The following PDS5B variants were observed in gnomAD, a reference collection of about 807,000 sequenced individuals.
PDS5B encodes sister chromatid cohesion protein PDS5 homolog B.
Under a neutral mutation model 184.1 loss-of-function variants are expected in PDS5B, and 51 were observed. The ratio of observed to expected loss-of-function variants is 0.28; its 90% confidence interval spans 0.22 to 0.35. The LOEUF is 0.35. Among genes scored for constraint, PDS5B ranks in the 10% least tolerant of loss-of-function variants. The pLI, the probability that PDS5B is intolerant of heterozygous loss-of-function variation, is 1.00. For synonymous variants in PDS5B, 566 were observed against 569.2 expected (o/e 0.99, Z 0.08); for missense variants, 1,180 against 1,723.3 (o/e 0.68, Z 5.58).
chr13:32,670,986 G>T (rs986951626), intron 7 of PDS5B, among the ~76,000 whole-genome samples: 2 of 152,168 alleles, frequency 1.3e-5, no homozygotes, highest in African/African-American at 4.8e-5. Context: ...TTAATTTGTA[G>T]TATGTAATTA....
chr13:32,657,568 G>T (rs929223180), intron 3 of PDS5B, among the ~76,000 whole-genome samples: 5 of 152,094 alleles, frequency 3.3e-5, no homozygotes, highest in Non-Finnish European at 7.4e-5. Context: ...TACATTCACG[G>T]TTAATATTGG....
At chr13:32,660,813 A>G (rs984774202) in intron 6 of PDS5B, among the ~76,000 whole-genome samples, 1 of 152,156 alleles carries the variant, frequency 6.6e-6, no homozygotes, top group Non-Finnish European at 1.5e-5. Context: ...CCTGTCTCTA[A>G]GTACAGGAGC....
At chr13:32,733,937 C>T (rs1024268948) in intron 20 of PDS5B, among the ~76,000 whole-genome samples, 1 of 150,730 alleles carries the variant, frequency 6.6e-6, no homozygotes, top group African/African-American at 2.5e-5. Flanking sequence ...CCTCTCTCTC[C>T]TTATGCCAAT....
At chr13:32,631,819 GTTCTAAACTGTT>G (rs1366724644) in intron 1 of PDS5B, among the ~76,000 whole-genome samples, 4 of 152,092 alleles carry the variant, frequency 2.6e-5, no homozygotes, top group Non-Finnish European at 5.9e-5. Flanking sequence ...CTGAAGTTGT[GTTCTAAACTGTT>G]TTCTAAACTT....
At chr13:32,706,896 T>G in intron 17 of PDS5B, 38 bp from the exon 18 acceptor site, 3 of 1,288,496 alleles carry the variant, frequency 2.3e-6, no homozygotes, top group Non-Finnish European at 3.4e-6. Context: ...ACATTGCTAG[T>G]AACATTTGAA....
At chr13:32,718,421 A>G (rs1406601105) in intron 19 of PDS5B, among the ~76,000 whole-genome samples, 3 of 152,160 alleles carry the variant, frequency 2.0e-5, no homozygotes, top group African/African-American at 4.8e-5. Context: ...AGGTACTGGG[A>G]TTAGAGGTGT....
chr13:32,596,564 C>T (rs1343196491), intron 1 of PDS5B, among the ~76,000 whole-genome samples: 1 of 152,186 alleles, frequency 6.6e-6, no homozygotes, highest in Non-Finnish European at 1.5e-5. Context: ...TTTAACTTTA[C>T]AGGAAACTAG....
At chr13:32,619,819 A>G (rs1022102483) in intron 1 of PDS5B, among the ~76,000 whole-genome samples, 1 of 152,090 alleles carries the variant, frequency 6.6e-6, no homozygotes, top group African/African-American at 2.4e-5. Flanking sequence ...TTTATTTGAG[A>G]TGAAGTTTTG....
At chr13:32,765,588 T>G (rs1383266071) in intron 31 of PDS5B, among the ~76,000 whole-genome samples, 1 of 152,166 alleles carries the variant, frequency 6.6e-6, no homozygotes, top group Admixed American at 6.5e-5. Flanking sequence ...TTAGAAAGAA[T>G]TATTCTTTTT....
Position 32,758,655 on chromosome 13 carries a change from T to C in PDS5B, c.3309+2T>C, listed in dbSNP as rs1954270651. ...CGTTTCTTCACTCAACCTGACAAGGTAGTTACTTTACAATTTGTTTGTGTA... is the reference window on the plus strand; with the variant it reads ...CGTTTCTTCACTCAACCTGACAAGGCAGTTACTTTACAATTTGTTTGTGTA... On this transcript the variant is annotated splice_donor_variant, in intron 28 of 34. Coordinates refer to ENST00000315596, the MANE Select transcript of PDS5B (RefSeq NM_015032.4). LOFTEE classifies it high-confidence loss of function. 2 of 1,613,106 alleles carry C rather than the reference T, an allele frequency of 1.2e-6. No homozygotes were observed. Among genetic ancestry groups the C allele is most frequent in the Non-Finnish European group, 1.7e-6 (2 of 1,179,452 alleles).
chr13:32,719,845 G>A (rs899322398), intron 19 of PDS5B, among the ~76,000 whole-genome samples: 3 of 146,500 alleles, frequency 2.0e-5, no homozygotes, highest in Non-Finnish European at 3.0e-5. Flanking sequence ...CTGTAGTGTA[G>A]TGGCTTGATC....
chr13:32,594,355 A>G (rs1362822636), intron 1 of PDS5B, among the ~76,000 whole-genome samples: 1 of 152,254 alleles, frequency 6.6e-6, no homozygotes, highest in East Asian at 1.9e-4. Context: ...GCATACTTCC[A>G]TACTGTGCAA....
intron 6 of PDS5B, among the ~76,000 whole-genome samples, chr13:32,665,588 CAAAAAAAAAAAA>C (rs34604938): frequency 1.5e-4 from 4 of 25,884 alleles, no homozygotes; most frequent in South Asian, 4.3e-3. Flanking sequence ...GACTCCGACT[CAAAAAAAAAAAA>C]AAAAAAAAAA....
At chr13:32,687,401 A>C (rs556793113) in intron 12 of PDS5B, 116 bp downstream of exon 12, 21 of 730,174 alleles carry the variant, frequency 2.9e-5, no homozygotes, top group Middle Eastern at 4.1e-4. Context: ...TTTTTAGTGC[A>C]AGGTAATGGT....
chr13:32,707,580 A>AT (rs746111536), intron 18 of PDS5B, among the ~76,000 whole-genome samples: 30 of 125,534 alleles, frequency 2.4e-4, no homozygotes, highest in Non-Finnish European at 4.8e-4. Context: ...AAGTATAAGC[A>AT]TTTTTCTCGG....
chr13:32,704,243 A>T (rs1420045487), intron 17 of PDS5B, among the ~76,000 whole-genome samples: 1 of 151,532 alleles, frequency 6.6e-6, no homozygotes, highest in Admixed American at 6.6e-5. Flanking sequence ...ATCTCAGCTC[A>T]CTGCAGCCTC....
At chr13:32,707,088 T>TA in intron 18 of PDS5B, 49 bp downstream of exon 18, 1 of 925,504 alleles carries the variant, frequency 1.1e-6, no homozygotes, top group Non-Finnish European at 1.7e-6. Flanking sequence ...CTGTTTAACA[T>TA]ATACAGTTTA....
Position 32,656,468 on chromosome 13 carries a change from A to G in PDS5B, c.313-1771A>G, listed in dbSNP as rs187845507. Among the ~76,000 whole-genome samples the G allele has an allele frequency of 8.6e-5, 13 of 151,644 alleles. No homozygotes were observed. The East Asian group carries it at 2.5e-3, about 29-fold the overall frequency. On this transcript the variant is annotated intron_variant, in intron 3 of 34. Transcript: ENST00000315596. The stretch of plus-strand genomic sequence containing the variant: ...TAACATTGATTCTTCCTATCCATGA[A>G]CATGGAATGATTTTCCATTTGTTGT...
At chr13:32,611,724 G>T (rs1189135722) in intron 1 of PDS5B, among the ~76,000 whole-genome samples, 2 of 151,876 alleles carry the variant, frequency 1.3e-5, no homozygotes, top group Non-Finnish European at 2.9e-5. Context: ...GCCCAGGCTG[G>T]TCTTGAACTC....
Sources: gnomAD v4.1 joint callset for allele counts (sites outside exome capture counted in the v4.1 genomes callset) on GRCh38, gnomAD v4.1.1 for gene constraint, MANE v1.5 for transcripts, NCBI Gene and HGNC (gene_info 2026-07-23, HGNC 2026-07-21) for gene names.